The following CNTNAP2 variants were observed in gnomAD, a reference collection of about 807,000 sequenced individuals.
CNTNAP2 encodes the protein contactin associated protein 2.
In CNTNAP2, 98 loss-of-function variants were observed where a neutral mutation model predicts 155.2. The ratio of observed to expected loss-of-function variants is 0.63; its 90% CI spans 0.54 to 0.75. The LOEUF (loss-of-function observed/expected upper bound fraction) is 0.75. Ranked by LOEUF, CNTNAP2 falls within the 30% of genes least tolerant of loss-of-function variation. The pLI is 0.00. For missense variants in CNTNAP2, 1,727 were observed against 1,688.1 expected, an observed-to-expected ratio of 1.02 and a Z score of -0.40; for synonymous variants, 651 against 631.2, an observed-to-expected ratio of 1.03 and a Z score of -0.47.
chr7:146,297,946 T>C (rs891336277), intron 1 of CNTNAP2, among the ~76,000 whole-genome samples: 3 of 152,066 alleles, frequency 2.0e-5, no homozygotes, highest in Non-Finnish European at 4.4e-5. Context: ...CTAGCACAAA[T>C]ATGTGTATTT....
chr7:146,788,770 G>A (rs1396097261), intron 2 of CNTNAP2, among the ~76,000 whole-genome samples: 1 of 152,108 alleles, frequency 6.6e-6, no homozygotes, highest in African/African-American at 2.4e-5. Flanking sequence ...TTCCTTAAAA[G>A]TCATTACTGA....
intron 13 of CNTNAP2, among the ~76,000 whole-genome samples, chr7:147,813,079 G>A (rs1273415087): frequency 6.7e-6 from 1 of 149,458 alleles, no homozygotes; most frequent in Non-Finnish European, 1.5e-5. Context: ...CTAAAAAATT[G>A]TTTCACTATT....
intron 1 of CNTNAP2, among the ~76,000 whole-genome samples, chr7:146,601,411 G>C (rs1798947481): frequency 6.6e-6 from 1 of 152,092 alleles, no homozygotes; most frequent in Non-Finnish European, 1.5e-5. Flanking sequence ...ACTTGGAAAT[G>C]TGAAAGTCCT....
At chr7:146,990,175 A>G (rs2129238634) in intron 3 of CNTNAP2, among the ~76,000 whole-genome samples, 1 of 152,314 alleles carries the variant, frequency 6.6e-6, no homozygotes, top group African/African-American at 2.4e-5. Context: ...TCTTATGAGT[A>G]ACATCTTCCA....
chr7:147,584,545 G>C (rs1476027939), intron 12 of CNTNAP2, among the ~76,000 whole-genome samples: 1 of 152,204 alleles, frequency 6.6e-6, no homozygotes, highest in Non-Finnish European at 1.5e-5. Context: ...GAAGTATGAT[G>C]ATCTATTCTA....
rs187107394 is a variant in CNTNAP2, at chr7:148,151,267, G to A, written c.2773+3558G>A. ...TGCTAAGCACTCAGGAGAGTGCCTC[G>A]CCTAGGGCCCATAATTATTATCATT... is the stretch of plus-strand genomic sequence containing the variant. On this transcript the variant is annotated intron_variant, in intron 17 of 23. Transcript: ENST00000361727. Among the ~76,000 whole-genome samples, 296 of 152,098 alleles carry A rather than the reference G, an allele frequency of 1.9e-3. 4 individuals carry two copies. The highest frequency in any genetic ancestry group is 6.5e-3 in the African/African-American group (270 of 41,476).
chr7:148,132,915 C>T (rs780322687), intron 16 of CNTNAP2, among the ~76,000 whole-genome samples: 14 of 152,106 alleles, frequency 9.2e-5, no homozygotes, highest in East Asian at 1.9e-4. Context: ...AAATATATTA[C>T]GGCCTATATT....
Position 147,286,433 on chromosome 7 carries a change from G to T in CNTNAP2, c.1349-13708G>T, listed in dbSNP as rs140852790. ...AATATTTAATTTAAAAAATTAACTT[G>T]GATATTTATTTTAAAAAGCTAAGGA... is the stretch of plus-strand genomic sequence containing the variant. On this transcript the variant is annotated intron_variant, in intron 8 of 23. Coordinates refer to ENST00000361727, the MANE Select transcript of CNTNAP2 (RefSeq NM_014141.6). Among the ~76,000 whole-genome samples the T allele has an allele frequency of 3.2e-3, 486 of 151,790 alleles. 3 individuals are homozygous for T. Among genetic ancestry groups the T allele is most frequent in the East Asian group, 0.015 (75 of 5,162 alleles).
intron 3 of CNTNAP2, among the ~76,000 whole-genome samples, chr7:146,854,142 G>A (rs757492417): frequency 5.3e-5 from 8 of 152,174 alleles, no homozygotes; most frequent in Non-Finnish European, 7.4e-5. Flanking sequence ...ATGCTGCTGA[G>A]TGTAATGGCA....
intron 10 of CNTNAP2, among the ~76,000 whole-genome samples, chr7:147,397,529 C>T (rs962362156): frequency 6.6e-6 from 1 of 151,892 alleles, no homozygotes; most frequent in African/African-American, 2.4e-5. Context: ...TCTCTCTAAA[C>T]ATCGTGTTTC....
intron 8 of CNTNAP2, among the ~76,000 whole-genome samples, chr7:147,223,284 T>C (rs1428079529): frequency 6.6e-6 from 1 of 152,180 alleles, no homozygotes; most frequent in Admixed American, 6.5e-5. Context: ...CACTGCACTT[T>C]GGGTGCACAA....
chr7:146,759,427 G>C (rs1242723586), intron 1 of CNTNAP2, among the ~76,000 whole-genome samples: 3 of 152,066 alleles, frequency 2.0e-5, no homozygotes, highest in Non-Finnish European at 2.9e-5. Flanking sequence ...GGGCACGGTG[G>C]CTCACGCCTG....
At chr7:147,583,998 G>A (rs530201588) in intron 12 of CNTNAP2, among the ~76,000 whole-genome samples, 1 of 152,198 alleles carries the variant, frequency 6.6e-6, no homozygotes, top group African/African-American at 2.4e-5. Context: ...GACAATAGAG[G>A]CTCAACCTTT....
At chr7:148,019,886 A>G (rs1285375625) in intron 15 of CNTNAP2, among the ~76,000 whole-genome samples, 2 of 151,848 alleles carry the variant, frequency 1.3e-5, no homozygotes, top group Non-Finnish European at 2.9e-5. Flanking sequence ...TCCTGGATGA[A>G]CGATTCTCCT....
At chr7:146,194,722 T>C (rs1448938120) in intron 1 of CNTNAP2, among the ~76,000 whole-genome samples, 1 of 152,256 alleles carries the variant, frequency 6.6e-6, no homozygotes, top group Admixed American at 6.5e-5. Flanking sequence ...AGTTATTTTA[T>C]GCTGCTAAAA....
chr7:147,704,339 C>A, intron 13 of CNTNAP2: 1 of 168,088 alleles, frequency 5.9e-6, no homozygotes, highest in South Asian at 1.8e-4. Context: ...TCAAGAAAAT[C>A]CATGTGTGCA....
chr7:146,278,779 A>T (rs1394939148), intron 1 of CNTNAP2, among the ~76,000 whole-genome samples: 1 of 152,200 alleles, frequency 6.6e-6, no homozygotes, highest in Admixed American at 6.5e-5. Context: ...AAATGAAGAT[A>T]ACAAAATTGA....
chr7:147,981,508 T>G (rs1380528136), intron 15 of CNTNAP2, among the ~76,000 whole-genome samples: 2 of 152,230 alleles, frequency 1.3e-5, no homozygotes, highest in Non-Finnish European at 2.9e-5. Context: ...AAAATATCTT[T>G]CAGTTTGAGG....
At chr7:146,966,240 A>G (rs1311564337) in intron 3 of CNTNAP2, among the ~76,000 whole-genome samples, 3 of 152,252 alleles carry the variant, frequency 2.0e-5, no homozygotes, top group Non-Finnish European at 4.4e-5. Context: ...GTATTCTGGT[A>G]GCATGATTGG....
Sources: allele counts gnomAD v4.1 joint callset (sites outside exome capture counted in the v4.1 genomes callset), GRCh38; gene constraint gnomAD v4.1.1; transcripts MANE v1.5; gene names NCBI Gene and HGNC (gene_info 2026-07-23, HGNC 2026-07-21).